The following DAAM1 variants were observed in gnomAD, a reference collection of about 807,000 sequenced individuals.
DAAM1 encodes dishevelled associated activator of morphogenesis 1, also known as disheveled-associated activator of morphogenesis 1.
DAAM1 carries 52 observed loss-of-function variants against 130.0 expected under a neutral mutation model. That is an observed-to-expected ratio of 0.40 (90% CI 0.32 to 0.50). DAAM1 has a LOEUF of 0.50. DAAM1 is among the 20% of genes least tolerant of loss of function. DAAM1 has a pLI of 0.61. For synonymous variants in DAAM1, 452 were observed against 444.5 expected, an observed-to-expected ratio of 1.02 and a Z score of -0.21; for missense variants, 1,134 against 1,303.8, an observed-to-expected ratio of 0.87 and a Z score of 2.01.
At chr14:59,339,407 G>A (rs944504011) in intron 15 of DAAM1, among the ~76,000 whole-genome samples, 2 of 152,014 alleles carry the variant, frequency 1.3e-5, no homozygotes, top group African/African-American at 4.8e-5. Flanking sequence ...CATATTTTTG[G>A]TCTGTTCCAC....
At chr14:59,194,874 C>T (rs1887836478) in intron 1 of DAAM1, among the ~76,000 whole-genome samples, 2 of 152,194 alleles carry the variant, frequency 1.3e-5, no homozygotes, top group South Asian at 2.1e-4. Context: ...ATTTCCAATG[C>T]AGTTGGTGCG....
At chr14:59,339,999 T>C (rs375517255) in intron 15 of DAAM1, 75 bp from the exon 16 acceptor site, 3 of 1,317,430 alleles carry the variant, frequency 2.3e-6, no homozygotes. Context: ...TGAACAACAA[T>C]GTAAAGGAAA....
At chr14:59,233,137 C>T (rs1460755880) in intron 1 of DAAM1, among the ~76,000 whole-genome samples, 5 of 152,112 alleles carry the variant, frequency 3.3e-5, no homozygotes, top group African/African-American at 1.2e-4. Flanking sequence ...GATTTATATT[C>T]CTTTGGGTAT....
chr14:59,279,013 T>C (rs1883096470), intron 2 of DAAM1, among the ~76,000 whole-genome samples: 1 of 152,232 alleles, frequency 6.6e-6, no homozygotes, highest in African/African-American at 2.4e-5. Flanking sequence ...GAATTTTTTG[T>C]TTGTTTTCCT....
intron 1 of DAAM1, among the ~76,000 whole-genome samples, chr14:59,251,214 A>G (rs1444104744): frequency 6.6e-6 from 1 of 152,232 alleles, no homozygotes; most frequent in African/African-American, 2.4e-5. Context: ...TTGTTGATAC[A>G]TCTTGGTGCC....
At chr14:59,244,825 A>G (rs2139469248) in intron 1 of DAAM1, among the ~76,000 whole-genome samples, 1 of 152,306 alleles carries the variant, frequency 6.6e-6, no homozygotes, top group African/African-American at 2.4e-5. Context: ...GTTTTTCCAC[A>G]AAGGGACTGG....
At chr14:59,368,292 C>T (rs1375070035) in intron 24 of DAAM1, among the ~76,000 whole-genome samples, 1 of 152,048 alleles carries the variant, frequency 6.6e-6, no homozygotes, top group East Asian at 1.9e-4. Context: ...GGCCTGATGA[C>T]CATTTGCTTT....
intron 21 of DAAM1, 89 bp from the exon 22 acceptor site, chr14:59,360,713 G>A (rs1886672458): frequency 5.5e-6 from 6 of 1,087,850 alleles, no homozygotes; most frequent in Admixed American, 2.3e-5. Context: ...AAATAGGATG[G>A]ACTTCCAAGC....
chr14:59,263,839 G>A, intron 2 of DAAM1, 179 bp downstream of exon 2: 1 of 754,532 alleles, frequency 1.3e-6, no homozygotes, highest in Non-Finnish European at 2.2e-6. Flanking sequence ...GGAAGAGTTA[G>A]AAGAGGGTAG....
chr14:59,239,025 A>T (rs925990556), intron 1 of DAAM1, among the ~76,000 whole-genome samples: 11 of 152,208 alleles, frequency 7.2e-5, no homozygotes, highest in Non-Finnish European at 1.6e-4. Flanking sequence ...GACCCTATGC[A>T]GGTCACATAA....
chr14:59,345,216 A>C (rs1886024935), intron 16 of DAAM1, among the ~76,000 whole-genome samples: 1 of 152,108 alleles, frequency 6.6e-6, no homozygotes, highest in Non-Finnish European at 1.5e-5. Flanking sequence ...AAATTGTTCC[A>C]TTTAAGTAGG....
At chr14:59,239,330 C>G (rs1889405645) in intron 1 of DAAM1, among the ~76,000 whole-genome samples, 1 of 152,170 alleles carries the variant, frequency 6.6e-6, no homozygotes, top group Non-Finnish European at 1.5e-5. Context: ...TTCCACCTGT[C>G]ACACCCAAAT....
At chr14:59,332,142 G>A (rs1007844521) in intron 15 of DAAM1, among the ~76,000 whole-genome samples, 2 of 152,164 alleles carry the variant, frequency 1.3e-5, no homozygotes, top group African/African-American at 4.8e-5. Flanking sequence ...TCTGGTATAT[G>A]TCTAAGACCT....
At chr14:59,222,870 A>G (rs747591729) in intron 1 of DAAM1, among the ~76,000 whole-genome samples, 33 of 152,198 alleles carry the variant, frequency 2.2e-4, no homozygotes, top group Non-Finnish European at 8.8e-5. Context: ...TTGGGTATAT[A>G]ATTGCATGTC....
At chr14:59,263,316 C>A in intron 1 of DAAM1, 125 bp from the exon 2 acceptor site, 1 of 738,802 alleles carries the variant, frequency 1.4e-6, no homozygotes, top group South Asian at 1.9e-5. Flanking sequence ...GTTGTTCTCT[C>A]TGTGCCCTGC....
At chr14:59,304,660 A>G (rs1411483847) in intron 3 of DAAM1, among the ~76,000 whole-genome samples, 1 of 152,162 alleles carries the variant, frequency 6.6e-6, no homozygotes, top group South Asian at 2.1e-4. Flanking sequence ...GATGTTTCTG[A>G]TACAGTGGTA....
intron 23 of DAAM1, among the ~76,000 whole-genome samples, chr14:59,365,941 A>C (rs1886899253): frequency 6.6e-6 from 1 of 152,094 alleles, no homozygotes; most frequent in Non-Finnish European, 1.5e-5. Context: ...GGTAGTTATA[A>C]TAATGCTAAG....
rs79019289 is a variant in DAAM1, at chr14:59,192,779, C to T, written c.-38+4011C>T. Among the ~76,000 whole-genome samples the T allele has an allele frequency of 3.3e-4, 50 of 152,298 alleles. No individual in the cohort carries two copies. The East Asian group carries it at 7.5e-3, about 23-fold the overall frequency. On this transcript the variant is annotated intron_variant, in intron 1 of 24. Transcript: ENST00000360909. ...TCAAGACCTCAAAGTTTAGGCCGGG[C>T]GCGGTGGCTCAAGCCTGTAATCCCA...
chr14:59,269,510 G>A (rs1043767261), intron 2 of DAAM1, among the ~76,000 whole-genome samples: 3 of 152,224 alleles, frequency 2.0e-5, no homozygotes, highest in Non-Finnish European at 4.4e-5. Context: ...AATTTCTGCA[G>A]GCCCCACTTA....
Sources: gnomAD v4.1 joint callset for allele counts (sites outside exome capture counted in the v4.1 genomes callset) on GRCh38, gnomAD v4.1.1 for gene constraint, MANE v1.5 for transcripts, NCBI Gene and HGNC (gene_info 2026-07-23, HGNC 2026-07-21) for gene names.